COL5A1: variants seen among roughly 807,000 people sequenced by gnomAD.
The protein encoded by COL5A1 is collagen type V alpha 1 chain, also known as collagen alpha-1(V) chain.
In COL5A1, 16 loss-of-function variants were observed where a neutral mutation model predicts 263.7. That is an observed-to-expected ratio of 0.06 (90% confidence interval 0.04 to 0.09). The LOEUF (loss-of-function observed/expected upper bound fraction) is 0.09. COL5A1 is among the 10% of genes least tolerant of loss of function. The pLI, the probability that COL5A1 is intolerant of heterozygous loss-of-function variation, is 1.00. For synonymous variants in COL5A1, 1,012 were observed against 1,004.5 expected, an observed-to-expected ratio of 1.01 and a Z score of -0.14; for missense variants, 2,036 against 2,540.5, an observed-to-expected ratio of 0.80 and a Z score of 4.27.
Position 134,843,440 on chromosome 9 carries a change from C to T in COL5A1, c.*1137C>T. 6.5e-6 allele frequency: 1 copy of T among 152,822 alleles called. No individual in the cohort carries two copies. The allele number at this position is 152,822 out of a possible 1,614,324, so 9.5% of individuals were successfully genotyped here. Reference sequence around the variant, plus strand: ...AGGCGCACTGGGGACCCTGGCCATGCCTCGTTCTCCCTGCTTTCTTTATCC... The same window carrying T: ...AGGCGCACTGGGGACCCTGGCCATGTCTCGTTCTCCCTGCTTTCTTTATCC... On this transcript the variant is annotated 3_prime_UTR_variant, in exon 66 of 66. Coordinates refer to ENST00000371817, the MANE Select transcript of COL5A1 (RefSeq NM_000093.5).
chr9:134,683,158 A>T (rs1465106895), intron 1 of COL5A1, among the ~76,000 whole-genome samples: 1 of 152,158 alleles, frequency 6.6e-6, no homozygotes, highest in Non-Finnish European at 1.5e-5. Context: ...TATTTAGAAA[A>T]GTAGAACGGC....
intron 4 of COL5A1, among the ~76,000 whole-genome samples, chr9:134,714,233 T>C (rs920397575): frequency 1.3e-5 from 2 of 152,004 alleles, no homozygotes; most frequent in African/African-American, 4.8e-5. Flanking sequence ...GGTGAGCCTT[T>C]CTCAGGGATC....
At chr9:134,727,682 T>A (rs891555426) in intron 5 of COL5A1, among the ~76,000 whole-genome samples, 1 of 152,222 alleles carries the variant, frequency 6.6e-6, no homozygotes, top group Admixed American at 6.5e-5. Flanking sequence ...GGGCTTGACC[T>A]TGATGGGGTA....
chr9:134,710,530 A>G (rs1327565737), intron 4 of COL5A1, among the ~76,000 whole-genome samples: 8 of 78,626 alleles, frequency 1.0e-4, no homozygotes, highest in African/African-American at 4.2e-4. Context: ...GTGGTGGGGC[A>G]GGGGCCCCAT....
At chr9:134,745,054 A>C (rs896967296) in intron 11 of COL5A1, among the ~76,000 whole-genome samples, 2 of 152,168 alleles carry the variant, frequency 1.3e-5, no homozygotes, top group Admixed American at 6.5e-5. Context: ...ACTTCTGGCC[A>C]TTTCGAGTCA....
At chr9:134,645,241 G>A (rs1226288038) in intron 1 of COL5A1, among the ~76,000 whole-genome samples, 1 of 152,160 alleles carries the variant, frequency 6.6e-6, no homozygotes, top group Non-Finnish European at 1.5e-5. Flanking sequence ...CCGCCCTGCA[G>A]ATATTTCTGG....
chr9:134,728,268 A>G (rs1342649980), intron 5 of COL5A1, among the ~76,000 whole-genome samples: 1 of 152,202 alleles, frequency 6.6e-6, no homozygotes, highest in Non-Finnish European at 1.5e-5. Context: ...GTCCCACTGA[A>G]GCCCTACCCG....
At chr9:134,792,110 G>C (rs1837710215) in intron 32 of COL5A1, among the ~76,000 whole-genome samples, 2 of 151,662 alleles carry the variant, frequency 1.3e-5, no homozygotes, top group Non-Finnish European at 1.5e-5. Flanking sequence ...AGGAGCCGGG[G>C]GCCGGCACAG....
intron 9 of COL5A1, among the ~76,000 whole-genome samples, chr9:134,737,213 G>A (rs1267685417): frequency 1.3e-5 from 2 of 152,230 alleles, no homozygotes; most frequent in Non-Finnish European, 2.9e-5. Flanking sequence ...TACGTGGAGG[G>A]CGCCATGGCC....
intron 1 of COL5A1, among the ~76,000 whole-genome samples, chr9:134,668,494 G>A (rs913280348): frequency 1.3e-5 from 2 of 152,062 alleles, no homozygotes; most frequent in African/African-American, 2.4e-5. Context: ...AAGAAATTGG[G>A]TGCCTTAAAT....
intron 18 of COL5A1, among the ~76,000 whole-genome samples, chr9:134,761,072 C>A (rs1420509300): frequency 2.7e-5 from 4 of 150,294 alleles, no homozygotes; most frequent in African/African-American, 9.8e-5. Context: ...CACATGCACA[C>A]ACATGCACAC....
rs1369483170 is a variant in COL5A1, at chr9:134,805,614, G to A, written c.3258+400G>A. 2.6e-5 allele frequency among the ~76,000 whole-genome samples: 4 copies of A among 152,176 alleles called. No homozygotes were observed. The East Asian group carries it at 5.8e-4, about 22-fold the overall frequency. On this transcript the variant is annotated intron_variant, in intron 41 of 65. Coordinates refer to ENST00000371817, the MANE Select transcript of COL5A1 (RefSeq NM_000093.5). ...TGCACGCTAAAGCCAGGCTGCCCAC[G>A]GCGGGGGCCCACTGGGCAGGATGGC...
rs146379780 is a variant in COL5A1, at chr9:134,765,153, C to T, written c.2035-528C>T. On this transcript the variant is annotated intron_variant, in intron 20 of 65. Coordinates refer to ENST00000371817, the MANE Select transcript of COL5A1 (RefSeq NM_000093.5). The surrounding 1 kb of genome is among the most constrained non-coding windows in gnomAD (Gnocchi z 5.1). ...CGTCCTGGAAAAGATCTGTACCCCA[C>T]GCCTCCTTCTGCACATTCAGTCTTG... Among the ~76,000 whole-genome samples, 16 of 152,264 alleles carry T rather than the reference C, an allele frequency of 1.1e-4. No homozygotes were observed. The highest frequency in any genetic ancestry group is 5.8e-4 in the East Asian group (3 of 5,170).
At chr9:134,777,343 G>A (rs536292436) in intron 27 of COL5A1, among the ~76,000 whole-genome samples, 1 of 152,342 alleles carries the variant, frequency 6.6e-6, no homozygotes, top group South Asian at 2.1e-4. Flanking sequence ...CGGCTGGCCG[G>A]CCGAGTCACG....
Position 134,818,912 on chromosome 9 carries a change from T to C in COL5A1, c.4392+11T>C. 6.2e-7 allele frequency: 1 copy of C among 1,612,844 alleles called. No homozygotes were observed. The highest frequency in any genetic ancestry group is 8.5e-7 in the Non-Finnish European group (1 of 1,179,558). On this transcript the variant is annotated intron_variant, in intron 56 of 65. Transcript: ENST00000371817. The surrounding 1 kb of genome is among the most constrained non-coding windows in gnomAD (Gnocchi z 6.0). ...CCCCCCGGCCCCATGGTGAGTCACA[T>C]TCCTCATGGTGAGCATAGCGGGTGG...
At chr9:134,671,512 C>T (rs937289091) in intron 1 of COL5A1, among the ~76,000 whole-genome samples, 4 of 152,172 alleles carry the variant, frequency 2.6e-5, no homozygotes, top group African/African-American at 9.7e-5. Flanking sequence ...GTCACAGTGA[C>T]CCACCACAAT....
At position 134,741,181 on chromosome 9, in the gene COL5A1, G is replaced by A. The variant is rs1835289967; in HGVS notation, c.1494+2373G>A. Reference sequence around the variant, plus strand: ...GAGGCCCTGCAGTGCAGCCTGCGGTGGGCCGGGCTCAGGTGCCTGTGCGGC... The same window carrying A: ...GAGGCCCTGCAGTGCAGCCTGCGGTAGGCCGGGCTCAGGTGCCTGTGCGGC... On this transcript the variant is annotated intron_variant, in intron 11 of 65. Transcript: ENST00000371817. The surrounding 1 kb of genome is among the most constrained non-coding windows in gnomAD (Gnocchi z 4.5). Among the ~76,000 whole-genome samples the A allele has an allele frequency of 6.6e-6, 1 of 152,226 alleles. No individual in the cohort carries two copies. The highest frequency in any genetic ancestry group is 1.9e-4 in the East Asian group (1 of 5,202).
chr9:134,831,321 C>T (rs551805888), intron 64 of COL5A1, among the ~76,000 whole-genome samples: 28 of 152,328 alleles, frequency 1.8e-4, no homozygotes, highest in African/African-American at 6.3e-4. Flanking sequence ...GCAGACACTC[C>T]GAGGGTCTGT....
chr9:134,682,436 A>G lies in COL5A1; in HGVS notation c.110-8476A>G, dbSNP rs1832890320. 6.6e-6 allele frequency among the ~76,000 whole-genome samples: 1 copy of G among 152,164 alleles called. No homozygotes were observed. Among genetic ancestry groups the G allele is most frequent in the African/African-American group, 2.4e-5 (1 of 41,438 alleles). On this transcript the variant is annotated intron_variant, in intron 1 of 65. Transcript: ENST00000371817. The surrounding 1 kb of genome is among the most constrained non-coding windows in gnomAD (Gnocchi z 5.1). Reference sequence around the variant, plus strand: ...TCGGGCTGGGCCAGCACACTTCCCCAGAGACCCTGACCCCAGGACCGACGG... The same window carrying G: ...TCGGGCTGGGCCAGCACACTTCCCCGGAGACCCTGACCCCAGGACCGACGG...
Sources: allele counts gnomAD v4.1 joint callset (sites outside exome capture counted in the v4.1 genomes callset), GRCh38; gene constraint gnomAD v4.1.1; non-coding constraint Gnocchi (gnomAD v3.1); transcripts MANE v1.5; gene names NCBI Gene and HGNC (gene_info 2026-07-23, HGNC 2026-07-21).